The following FRMD5 variants were observed in gnomAD, a reference collection of about 807,000 sequenced individuals.
FRMD5 encodes FERM domain containing 5.
Under a neutral mutation model 69.0 loss-of-function variants are expected in FRMD5, and 20 were observed. That is an observed-to-expected ratio of 0.29 (90% CI 0.20 to 0.42). The LOEUF (loss-of-function observed/expected upper bound fraction) is 0.42, where lower values mean the gene tolerates loss of function less well. Among genes scored for constraint, FRMD5 ranks in the 10% least tolerant of loss-of-function variants. FRMD5 has a pLI of 1.00. For synonymous variants in FRMD5, 271 were observed against 260.1 expected (o/e 1.04, Z -0.40); for missense variants, 595 against 708.6 (o/e 0.84, Z 1.82).
chr15:43,915,603 G>T (rs2089372429), intron 4 of FRMD5, among the ~76,000 whole-genome samples: 2 of 152,164 alleles, frequency 1.3e-5, no homozygotes, highest in South Asian at 2.1e-4. Context: ...TCTGGTACCT[G>T]AATTTCCCAT....
chr15:43,876,883 G>C (rs956579606), intron 13 of FRMD5, among the ~76,000 whole-genome samples: 3 of 152,108 alleles, frequency 2.0e-5, no homozygotes, highest in African/African-American at 7.2e-5. Context: ...TGCGGGGGTG[G>C]ATTTCTCTTA....
At position 43,873,427 on chromosome 15, in the gene FRMD5, C is replaced by T; in HGVS notation, c.*458G>A. 1 of 1,433,280 alleles carries T rather than the reference C, an allele frequency of 7.0e-7. No individual in the cohort carries two copies. Among genetic ancestry groups the T allele is most frequent in the Non-Finnish European group, 9.1e-7 (1 of 1,103,716 alleles). 88.8% of individuals were successfully genotyped at this position (1,433,280 alleles called of 1,614,324 possible). A position where few individuals can be genotyped will look rare whatever the true frequency, so the allele number is the denominator to read the frequency against. On this transcript the variant is annotated 3_prime_UTR_variant, in exon 14 of 14. Coordinates refer to ENST00000417257, the MANE Select transcript of FRMD5 (RefSeq NM_032892.5). ...GGCTGCAGTGATGAGTCTACTGGAA[C>T]CCAGTGGCACCAGCAGGAAAAGCTC...
intron 1 of FRMD5, among the ~76,000 whole-genome samples, chr15:43,938,311 A>G (rs1050770042): frequency 1.3e-5 from 2 of 152,160 alleles, no homozygotes; most frequent in African/African-American, 4.8e-5. Context: ...CAATCTCACA[A>G]GGAAAGTTTC....
At chr15:43,910,041 A>G (rs1355110575) in intron 4 of FRMD5, 62 bp from the exon 5 acceptor site, 3 of 931,740 alleles carry the variant, frequency 3.2e-6, no homozygotes, top group Non-Finnish European at 5.1e-6. Flanking sequence ...AGATAGAAAT[A>G]TGTATTGTAA....
At chr15:43,929,052 T>G (rs770617048) in intron 1 of FRMD5, among the ~76,000 whole-genome samples, 9 of 152,324 alleles carry the variant, frequency 5.9e-5, no homozygotes, top group Admixed American at 1.3e-4. Flanking sequence ...CTAGTGCATA[T>G]AGGTACAACC....
intron 1 of FRMD5, among the ~76,000 whole-genome samples, chr15:43,973,062 C>A (rs969600985): frequency 7.2e-5 from 11 of 151,962 alleles, no homozygotes; most frequent in Admixed American, 2.6e-4. Context: ...TCGCTCTGTC[C>A]TCCAGGCTGG....
intron 1 of FRMD5, among the ~76,000 whole-genome samples, chr15:44,076,601 C>T (rs1893778442): frequency 1.5e-5 from 2 of 132,946 alleles, no homozygotes; most frequent in African/African-American, 2.9e-5. Flanking sequence ...GGAAGGGGAA[C>T]ATCACACTCT....
At chr15:44,164,633 T>A (rs901187368) in intron 1 of FRMD5, among the ~76,000 whole-genome samples, 1 of 152,168 alleles carries the variant, frequency 6.6e-6, no homozygotes, top group African/African-American at 2.4e-5. Context: ...TCTATACAAG[T>A]CTTAATGGGA....
At chr15:44,183,845 G>A (rs919112561) in intron 1 of FRMD5, among the ~76,000 whole-genome samples, 2 of 152,006 alleles carry the variant, frequency 1.3e-5, no homozygotes, top group Non-Finnish European at 1.5e-5. Flanking sequence ...AGCCAGGTGT[G>A]GTGACTTGAG....
intron 1 of FRMD5, among the ~76,000 whole-genome samples, chr15:44,082,333 A>T (rs750255487): frequency 3.3e-5 from 5 of 151,870 alleles, no homozygotes; most frequent in Non-Finnish European, 7.4e-5. Context: ...TTCTCAAATG[A>T]CTTTTCTGGT....
chr15:43,997,136 C>T (rs1418385004), intron 1 of FRMD5, among the ~76,000 whole-genome samples: 1 of 152,104 alleles, frequency 6.6e-6, no homozygotes, highest in Non-Finnish European at 1.5e-5. Flanking sequence ...AGGGGACCTA[C>T]CTTAACAGAA....
At chr15:43,970,016 G>T (rs2090351464) in intron 1 of FRMD5, among the ~76,000 whole-genome samples, 1 of 152,130 alleles carries the variant, frequency 6.6e-6, no homozygotes, top group South Asian at 2.1e-4. Flanking sequence ...GACACAAACT[G>T]CATTTGACAA....
In FRMD5 at chr15:43,870,767, T is replaced by C. The variant is rs1439429220; in HGVS notation, c.*3118A>G. On this transcript the variant is annotated 3_prime_UTR_variant, in exon 14 of 14. Transcript: ENST00000417257. The stretch of plus-strand genomic sequence containing the variant: ...AAAGAAAGAGCCCACTCTTCCATGA[T>C]ATTTAAATATTTATTTAAGTTTAAA... 6.6e-6 allele frequency: 1 copy of C among 152,220 alleles called. No individual in the cohort carries two copies. The highest frequency in any genetic ancestry group is 2.4e-5 in the African/African-American group (1 of 41,456). 9.4% of individuals were successfully genotyped at this position (152,220 alleles called of 1,614,324 possible).
At chr15:44,106,010 AATGTAAATGT>A (rs2076712876) in intron 1 of FRMD5, among the ~76,000 whole-genome samples, 3 of 152,270 alleles carry the variant, frequency 2.0e-5, no homozygotes, top group Middle Eastern at 6.8e-3. Flanking sequence ...TACCTAATAC[AATGTAAATGT>A]ATGTAAATGG....
intron 1 of FRMD5, among the ~76,000 whole-genome samples, chr15:43,980,646 C>A (rs576474039): frequency 6.6e-6 from 1 of 152,284 alleles, no homozygotes; most frequent in East Asian, 1.9e-4. Flanking sequence ...CTGAGTATCA[C>A]TGAAAATTTA....
chr15:44,180,134 GC>G (rs1479821725), intron 1 of FRMD5, among the ~76,000 whole-genome samples: 4 of 150,980 alleles, frequency 2.6e-5, no homozygotes, highest in Admixed American at 2.0e-4. Context: ...TCAAATCCCA[GC>G]TTCCCGACTT....
chr15:44,002,604 AG>A (rs1566891752), intron 1 of FRMD5, among the ~76,000 whole-genome samples: 1 of 152,112 alleles, frequency 6.6e-6, no homozygotes. Context: ...TTGAGCAAGC[AG>A]GGGGTATGTG....
chr15:44,188,796 C>G (rs560386783), intron 1 of FRMD5, among the ~76,000 whole-genome samples: 1 of 152,138 alleles, frequency 6.6e-6, no homozygotes, highest in African/African-American at 2.4e-5. Flanking sequence ...AATGGTTTTT[C>G]TTGGTGGGCA....
intron 1 of FRMD5, chr15:43,989,581 G>A (rs1475409195): frequency 3.4e-5 from 29 of 854,652 alleles, no homozygotes; most frequent in South Asian, 7.9e-5. Flanking sequence ...TGGCTGTGGC[G>A]GTGAAGATGT....
Sources: gnomAD v4.1 joint callset for allele counts (sites outside exome capture counted in the v4.1 genomes callset) on GRCh38, gnomAD v4.1.1 for gene constraint, MANE v1.5 for transcripts, NCBI Gene and HGNC (gene_info 2026-07-23, HGNC 2026-07-21) for gene names.